MMP26: variants seen among roughly 807,000 people sequenced by gnomAD.
The protein encoded by MMP26 is matrix metalloproteinase-26.
In MMP26, 33 loss-of-function variants were observed where a neutral mutation model predicts 31.0. The observed-to-expected ratio is 1.06, with a 90% CI of 0.81 to 1.42. MMP26 has a LOEUF of 1.42. MMP26 is among the 40% of genes most tolerant of loss of function. The pLI is 0.00. For synonymous variants in MMP26, 122 were observed against 114.9 expected (o/e 1.06, Z -0.40); for missense variants, 347 against 316.1 (o/e 1.10, Z -0.74).
chr11:4,743,717 T>C (rs146333162), intron 1 of MMP26, among the ~76,000 whole-genome samples: 3 of 152,332 alleles, frequency 2.0e-5, no homozygotes, highest in Admixed American at 6.5e-5. Context: ...ACCCCAGATT[T>C]CCCATATTGT....
chr11:4,905,241 C>A (rs183293063), intron 2 of MMP26, among the ~76,000 whole-genome samples: 1 of 152,098 alleles, frequency 6.6e-6, no homozygotes, highest in Admixed American at 6.5e-5. Flanking sequence ...TTATACTTAC[C>A]CTGGGTTTTG....
rs199957479 is a variant in MMP26 at position 4,923,484 on chromosome 11, G to A, written c.-144-64584G>A. 176 of 1,614,040 alleles carry A rather than the reference G, an allele frequency of 1.1e-4. 1 individual carries two copies. In the East Asian group the frequency reaches 3.8e-3, roughly 35 times the overall value. ...TAGATGATGGGGTTCATAAGGGGTG[G>A]TACCAGCAGATACACATAGGACATG... is the stretch of plus-strand genomic sequence containing the variant. On this transcript the variant is annotated intron_variant, in intron 2 of 7. Transcript: ENST00000380390.
At chr11:4,746,122 A>G (rs936771393) in intron 1 of MMP26, among the ~76,000 whole-genome samples, 12 of 152,224 alleles carry the variant, frequency 7.9e-5, no homozygotes, top group Non-Finnish European at 1.6e-4. Context: ...TTGAATGCCA[A>G]TTAAAATTTT....
intron 2 of MMP26, among the ~76,000 whole-genome samples, chr11:4,986,480 T>C (rs1459297501): frequency 6.8e-6 from 1 of 146,602 alleles, no homozygotes; most frequent in Non-Finnish European, 1.5e-5. Flanking sequence ...CCTGAGTAGC[T>C]GGGACAAGTG....
intron 1 of MMP26, chr11:4,710,175 G>T: frequency 2.2e-6 from 1 of 456,734 alleles, no homozygotes; most frequent in Non-Finnish European, 4.4e-6. Context: ...ATTTGGCCTG[G>T]CCATTGTTAT....
chr11:4,848,076 T>C (rs1358802026), intron 2 of MMP26: 1 of 695,368 alleles, frequency 1.4e-6, no homozygotes, highest in Non-Finnish European at 2.4e-6. Context: ...CTTGTAAGTT[T>C]GCATCAATAT....
intron 1 of MMP26, among the ~76,000 whole-genome samples, chr11:4,735,882 T>C (rs759150124): frequency 2.0e-5 from 3 of 152,184 alleles, no homozygotes; most frequent in Non-Finnish European, 4.4e-5. Flanking sequence ...TTTGGTCTCA[T>C]GAAGAAAGTG....
chr11:4,827,401 T>C (rs146998743), intron 2 of MMP26, among the ~76,000 whole-genome samples: 216 of 152,234 alleles, frequency 1.4e-3, no homozygotes, highest in Middle Eastern at 0.01. Flanking sequence ...ACTTGTTTCC[T>C]TTTTTTAAAA....
intron 2 of MMP26, among the ~76,000 whole-genome samples, chr11:4,819,881 A>G (rs1849472056): frequency 6.6e-6 from 1 of 151,980 alleles, no homozygotes; most frequent in Non-Finnish European, 1.5e-5. Context: ...GCCTGGCCTC[A>G]ACTGAATTTG....
chr11:4,864,420 A>T (rs1213177391), intron 2 of MMP26, among the ~76,000 whole-genome samples: 5 of 152,104 alleles, frequency 3.3e-5, no homozygotes, highest in Non-Finnish European at 2.9e-5. Context: ...TTTCCATCAC[A>T]AGCATATTCA....
At chr11:4,796,918 A>C (rs1353816490) in intron 2 of MMP26, among the ~76,000 whole-genome samples, 1 of 152,040 alleles carries the variant, frequency 6.6e-6, no homozygotes, top group Non-Finnish European at 1.5e-5. Context: ...GTGAGTTCAT[A>C]AACAACAGTG....
At chr11:4,801,829 G>T (rs1018702301) in intron 2 of MMP26, among the ~76,000 whole-genome samples, 3 of 151,952 alleles carry the variant, frequency 2.0e-5, no homozygotes, top group African/African-American at 7.3e-5. Context: ...GTGAACCACC[G>T]AGCCCAGTTA....
At chr11:4,746,831 TCACA>T (rs3223670) in intron 1 of MMP26, among the ~76,000 whole-genome samples, 12,558 of 137,054 alleles carry the variant, frequency 0.092, 582 homozygotes, top group East Asian at 0.2. Context: ...TAAGTCTCTG[TCACA>T]CACACACACA....
chr11:4,770,318 A>AT (rs1256564157), intron 2 of MMP26, among the ~76,000 whole-genome samples: 1 of 152,250 alleles, frequency 6.6e-6, no homozygotes, highest in Non-Finnish European at 1.5e-5. Context: ...CCACTTAAAA[A>AT]TATCCATGGT....
At chr11:4,946,175 C>T in intron 2 of MMP26, 1 of 1,613,888 alleles carries the variant, frequency 6.2e-7, no homozygotes. Context: ...CTTCCGTTGA[C>T]ACAATTTTGC....
At chr11:4,725,675 C>T (rs963830172) in intron 1 of MMP26, among the ~76,000 whole-genome samples, 4 of 152,202 alleles carry the variant, frequency 2.6e-5, no homozygotes, top group African/African-American at 2.4e-5. Flanking sequence ...TATTCACTCT[C>T]TCATCAGGTG....
intron 2 of MMP26, among the ~76,000 whole-genome samples, chr11:4,901,081 T>A (rs1377974912): frequency 6.6e-6 from 1 of 150,438 alleles, no homozygotes; most frequent in Admixed American, 6.6e-5. Flanking sequence ...AGTGTAAGCT[T>A]AGGGAAAGTG....
chr11:4,731,185 C>A (rs184660906), intron 1 of MMP26, among the ~76,000 whole-genome samples: 1 of 152,030 alleles, frequency 6.6e-6, no homozygotes, highest in African/African-American at 2.4e-5. Context: ...CTCAGGTGAC[C>A]GCCTCAGCCT....
chr11:4,721,008 G>C (rs1159178368), intron 1 of MMP26, among the ~76,000 whole-genome samples: 1 of 152,176 alleles, frequency 6.6e-6, no homozygotes, highest in East Asian at 1.9e-4. Flanking sequence ...GCACTGATAG[G>C]GACAACAAGC....
Sources: gnomAD v4.1 joint callset for allele counts (sites outside exome capture counted in the v4.1 genomes callset) on GRCh38, gnomAD v4.1.1 for gene constraint, MANE v1.5 for transcripts, NCBI Gene and HGNC (gene_info 2026-07-23, HGNC 2026-07-21) for gene names.